The following SUPT3H variants were observed in gnomAD, a reference collection of about 807,000 sequenced individuals.
SUPT3H encodes the protein transcription initiation protein SPT3 homolog.
In SUPT3H, 44 loss-of-function variants were observed where a neutral mutation model predicts 44.3. That is an observed-to-expected ratio of 0.99 (90% confidence interval 0.78 to 1.28). The LOEUF (loss-of-function observed/expected upper bound fraction) is 1.28, where lower values mean the gene tolerates loss of function less well. Among genes scored for constraint, SUPT3H ranks in the 50% most tolerant of loss-of-function variants. The pLI is 0.00. For synonymous variants in SUPT3H, 124 were observed against 125.6 expected (o/e 0.99, Z 0.09); for missense variants, 380 against 387.1 (o/e 0.98, Z 0.15).
intron 2 of SUPT3H, among the ~76,000 whole-genome samples, chr6:45,247,311 G>A (rs374259985): frequency 6.6e-6 from 1 of 152,160 alleles, no homozygotes; most frequent in South Asian, 2.1e-4. Flanking sequence ...CCTTCAGCTG[G>A]CATGTAAAAA....
chr6:44,847,808 GCT>G (rs1400689668), intron 10 of SUPT3H, among the ~76,000 whole-genome samples: 2 of 151,860 alleles, frequency 1.3e-5, no homozygotes, highest in African/African-American at 2.4e-5. Context: ...TTTTTTAAAT[GCT>G]CTGTCTTTTC....
intron 3 of SUPT3H, 37 bp downstream of exon 3, chr6:45,105,885 G>A (rs1308267711): frequency 1.3e-6 from 2 of 1,507,714 alleles, no homozygotes; most frequent in East Asian, 2.3e-5. Context: ...AAAGAATGCA[G>A]AGAAGAGAAA....
At chr6:45,032,486 T>C (rs550962250) in intron 3 of SUPT3H, among the ~76,000 whole-genome samples, 1 of 152,184 alleles carries the variant, frequency 6.6e-6, no homozygotes, top group African/African-American at 2.4e-5. Flanking sequence ...AAGACAGCAA[T>C]GTATATAGAA....
intron 10 of SUPT3H, among the ~76,000 whole-genome samples, chr6:44,862,087 TTTC>T: frequency 6.6e-6 from 1 of 152,170 alleles, no homozygotes; most frequent in East Asian, 1.9e-4. Flanking sequence ...CGCCTCTCCT[TTTC>T]TTCTCATCTC....
chr6:44,918,386 AAGTAG>A (rs1173550916), intron 10 of SUPT3H, among the ~76,000 whole-genome samples: 1 of 152,232 alleles, frequency 6.6e-6, no homozygotes, highest in Non-Finnish European at 1.5e-5. Context: ...AAGGACTTGT[AAGTAG>A]ATGCCAAAGA....
At chr6:45,208,897 T>A (rs971790290) in intron 2 of SUPT3H, among the ~76,000 whole-genome samples, 2 of 41,022 alleles carry the variant, frequency 4.9e-5, no homozygotes, top group Admixed American at 2.1e-4. Flanking sequence ...ACCCTCTTGT[T>A]AGGGGCTCAT....
At chr6:44,901,781 G>A (rs539521659) in intron 10 of SUPT3H, among the ~76,000 whole-genome samples, 1 of 151,788 alleles carries the variant, frequency 6.6e-6, no homozygotes, top group South Asian at 2.1e-4. Flanking sequence ...GAGAAAGGTC[G>A]GGTTACCCAC....
intron 2 of SUPT3H, among the ~76,000 whole-genome samples, chr6:45,280,930 T>TA (rs956279157): frequency 1.8e-4 from 27 of 152,164 alleles, no homozygotes; most frequent in African/African-American, 6.5e-4. Flanking sequence ...GTAATGTCCA[T>TA]AAAAAACATA....
intron 2 of SUPT3H, among the ~76,000 whole-genome samples, chr6:45,351,714 C>G (rs1792090931): frequency 6.6e-6 from 1 of 152,092 alleles, no homozygotes; most frequent in Non-Finnish European, 1.5e-5. Context: ...CTATTCTATC[C>G]CTCCCAACCA....
In SUPT3H at chr6:45,145,289, G is replaced by A. The variant is rs372334320; in HGVS notation, c.102-39283C>T. Among the ~76,000 whole-genome samples, 43 of 151,994 alleles carry A rather than the reference G, an allele frequency of 2.8e-4. No homozygotes were observed. The South Asian group carries it at 5.4e-3, about 19-fold the overall frequency. On this transcript the variant is annotated intron_variant, in intron 2 of 10. Transcript: ENST00000371459. ...ATTATACTACAAAGCTATAGTTACC[G>A]AAACAACATGGTACTGCTATAAAAA...
At chr6:45,370,038 G>A (rs1318673965) in intron 1 of SUPT3H, among the ~76,000 whole-genome samples, 1 of 152,122 alleles carries the variant, frequency 6.6e-6, no homozygotes, top group East Asian at 1.9e-4. Flanking sequence ...GTAATGTGAA[G>A]CTATTAGAGA....
intron 2 of SUPT3H, among the ~76,000 whole-genome samples, chr6:45,310,457 T>C (rs1783759265): frequency 6.6e-6 from 1 of 152,108 alleles, no homozygotes; most frequent in African/African-American, 2.4e-5. Context: ...CACCACCTCC[T>C]GGCAGGAAGT....
chr6:44,944,762 C>CAAAAAAAAAAAAAAAAAAAAAAA lies in SUPT3H; in HGVS notation c.801+8525_801+8547dup, dbSNP rs57506313. Among the ~76,000 whole-genome samples, 16 of 29,888 alleles carry CAAAAAAAAAAAAAAAAAAAAAAA rather than the reference C, an allele frequency of 5.4e-4. 1 individual carries two copies. Among genetic ancestry groups the CAAAAAAAAAAAAAAAAAAAAAAA allele is most frequent in the African/African-American group, 8.0e-4 (10 of 12,554 alleles). The allele number at this position is 29,888 out of a possible 152,430, so 19.6% of individuals were successfully genotyped here. On this transcript the variant is annotated intron_variant, in intron 9 of 10. Transcript: ENST00000371459. ...GGGAGACAAAGCAAGACCCTCTCTC[C>CAAAAAAAAAAAAAAAAAAAAAAA]AAAAAAAAAAAAAAAAAAAAAAAGA...
intron 3 of SUPT3H, among the ~76,000 whole-genome samples, chr6:45,046,732 TA>T (rs935739430): frequency 6.6e-6 from 1 of 152,240 alleles, no homozygotes; most frequent in African/African-American, 2.4e-5. Flanking sequence ...ATTTCCACAT[TA>T]ATTTTAGAAT....
chr6:45,199,824 T>TAC (rs1189826402), intron 2 of SUPT3H, among the ~76,000 whole-genome samples: 1 of 151,516 alleles, frequency 6.6e-6, no homozygotes, highest in Non-Finnish European at 1.5e-5. Context: ...TTGCAATCAA[T>TAC]ACATGACTTT....
intron 2 of SUPT3H, among the ~76,000 whole-genome samples, chr6:45,316,451 AAG>A (rs1784719799): frequency 3.9e-5 from 6 of 152,156 alleles, no homozygotes; most frequent in Admixed American, 3.9e-4. Flanking sequence ...AAAATTAGAT[AAG>A]AGAAAGAAAT....
At chr6:45,377,626 C>T (rs1277863167) in intron 1 of SUPT3H, 142 bp downstream of exon 1, 1 of 152,240 alleles carries the variant, frequency 6.6e-6, no homozygotes, top group Non-Finnish European at 1.5e-5. Flanking sequence ...CACGAAGACC[C>T]AGGCAGCCGC....
chr6:45,116,234 C>T (rs912586811), intron 2 of SUPT3H, among the ~76,000 whole-genome samples: 1 of 152,112 alleles, frequency 6.6e-6, no homozygotes, highest in African/African-American at 2.4e-5. Flanking sequence ...CTTCTTCTCA[C>T]ATTTTATTTT....
intron 2 of SUPT3H, among the ~76,000 whole-genome samples, chr6:45,134,389 T>C (rs1366422165): frequency 6.6e-6 from 1 of 152,208 alleles, no homozygotes; most frequent in African/African-American, 2.4e-5. Context: ...TAGGGATACA[T>C]TCAAATCACA....
Sources: gnomAD v4.1 joint callset for allele counts (sites outside exome capture counted in the v4.1 genomes callset) on GRCh38, gnomAD v4.1.1 for gene constraint, MANE v1.5 for transcripts, NCBI Gene and HGNC (gene_info 2026-07-23, HGNC 2026-07-21) for gene names.